Variants in GRIP1 observed in about 807,000 individuals in gnomAD.
GRIP1 encodes the protein glutamate receptor interacting protein 1, also known as glutamate receptor-interacting protein 1.
Under a neutral mutation model 129.9 loss-of-function variants are expected in GRIP1, and 45 were observed. The ratio of observed to expected loss-of-function variants is 0.35; its 90% CI spans 0.27 to 0.44. The LOEUF is 0.44. Ranked by LOEUF, GRIP1 falls within the 20% of genes least tolerant of loss-of-function variation. The probability of loss-of-function intolerance (pLI) is 1.00; values close to 1 mark genes in which losing one functional copy is unlikely to be tolerated. For missense variants in GRIP1, 1,196 were observed against 1,396.8 expected (o/e 0.86, Z 2.29); for synonymous variants, 530 against 520.8 (o/e 1.02, Z -0.24).
chr12:66,629,084 T>G (rs1009531392), intron 1 of GRIP1, among the ~76,000 whole-genome samples: 1 of 152,260 alleles, frequency 6.6e-6, no homozygotes, highest in African/African-American at 2.4e-5. Flanking sequence ...ATTGCAAGTA[T>G]GCATATTAGC....
At chr12:66,354,036 A>G (rs1324511359) in intron 23 of GRIP1, among the ~76,000 whole-genome samples, 1 of 152,160 alleles carries the variant, frequency 6.6e-6, no homozygotes. Flanking sequence ...AAGTACCATG[A>G]AGTTCATCCT....
At chr12:66,778,804 G>T (rs1037748414) in intron 1 of GRIP1, among the ~76,000 whole-genome samples, 2 of 152,174 alleles carry the variant, frequency 1.3e-5, no homozygotes, top group African/African-American at 4.8e-5. Context: ...TTGCTCAGTA[G>T]TAAAAACTTT....
At chr12:66,410,685 G>T (rs2057370831) in intron 15 of GRIP1, among the ~76,000 whole-genome samples, 1 of 151,380 alleles carries the variant, frequency 6.6e-6, no homozygotes, top group African/African-American at 2.4e-5. Context: ...AAACAATGAA[G>T]CACACCTACA....
At position 66,597,029 on chromosome 12, in the gene GRIP1, A is replaced by G. The variant is rs866656631; in HGVS notation, c.56-102T>C. 7.2e-6 allele frequency: 6 copies of G among 837,670 alleles called. No individual in the cohort carries two copies. In the Middle Eastern group the frequency reaches 1.1e-3, roughly 153 times the overall value. 51.9% of individuals were successfully genotyped at this position (837,670 alleles called of 1,614,324 possible). ...TCCTTCTGCGAGAGAGAAGTGGTAC[A>G]GTACAGTGGAAAGTGTCGGTAGGCC... On this transcript the variant is annotated intron_variant, in intron 1 of 24. Coordinates refer to ENST00000359742, the MANE Select transcript of GRIP1 (RefSeq NM_001366722.1).
At chr12:66,601,491 G>T (rs1427103318) in intron 1 of GRIP1, among the ~76,000 whole-genome samples, 3 of 152,146 alleles carry the variant, frequency 2.0e-5, no homozygotes, top group African/African-American at 7.2e-5. Flanking sequence ...AGAGGCACCC[G>T]ATATGAATAT....
intron 1 of GRIP1, among the ~76,000 whole-genome samples, chr12:66,769,568 G>A (rs187965676): frequency 1.2e-3 from 182 of 152,176 alleles, no homozygotes; most frequent in African/African-American, 4.0e-3. Context: ...ACAAGGGCAC[G>A]GGTACCATTT....
intron 7 of GRIP1, among the ~76,000 whole-genome samples, chr12:66,499,533 A>G (rs1218761149): frequency 2.6e-5 from 4 of 152,222 alleles, no homozygotes; most frequent in Non-Finnish European, 5.9e-5. Context: ...ATGGGTAGAA[A>G]TAGCTTCTGT....
At chr12:66,515,933 A>G (rs778386825) in intron 6 of GRIP1, among the ~76,000 whole-genome samples, 169 bp from the exon 7 acceptor site, 2 of 152,166 alleles carry the variant, frequency 1.3e-5, no homozygotes, top group Non-Finnish European at 2.9e-5. Context: ...GTAACCCTGA[A>G]CAGAAAATTG....
At chr12:66,948,533 G>T (rs2041706745) in intron 1 of GRIP1, among the ~76,000 whole-genome samples, 1 of 152,170 alleles carries the variant, frequency 6.6e-6, no homozygotes, top group African/African-American at 2.4e-5. Context: ...ATTATGAGCT[G>T]CTTCTTCTGT....
intron 7 of GRIP1, among the ~76,000 whole-genome samples, chr12:66,499,549 A>G (rs533081902): frequency 6.6e-6 from 1 of 152,326 alleles, no homozygotes; most frequent in East Asian, 1.9e-4. Flanking sequence ...TCTGTTGTCA[A>G]GGAGTTTATA....
rs1252401020 is a variant in GRIP1 at position 66,555,062 on chromosome 12, T to C, written c.137-13112A>G. Among the ~76,000 whole-genome samples, 7 of 152,240 alleles carry C rather than the reference T, an allele frequency of 4.6e-5. No homozygotes were observed. In the East Asian group the frequency reaches 1.2e-3, roughly 25 times the overall value. The stretch of plus-strand genomic sequence containing the variant: ...TAGGGCCTTGAGAAAACATAGGTGG[T>C]AGCCAAGTAGTGGTTACAGCAGGCC... On this transcript the variant is annotated intron_variant, in intron 2 of 24. Transcript: ENST00000359742.
intron 1 of GRIP1, among the ~76,000 whole-genome samples, chr12:66,625,572 G>C (rs1007358181): frequency 6.6e-6 from 1 of 152,078 alleles, no homozygotes; most frequent in Non-Finnish European, 1.5e-5. Context: ...ATTGCTTTCT[G>C]ACAGTAGGTA....
At chr12:66,445,968 C>A (rs75132310) in intron 11 of GRIP1, among the ~76,000 whole-genome samples, 1 of 152,140 alleles carries the variant, frequency 6.6e-6, no homozygotes, top group Non-Finnish European at 1.5e-5. Flanking sequence ...ACAATCCTAT[C>A]TTCAGCTTTG....
At chr12:66,885,810 G>A (rs562203586) in intron 1 of GRIP1, among the ~76,000 whole-genome samples, 1 of 152,316 alleles carries the variant, frequency 6.6e-6, no homozygotes, top group South Asian at 2.1e-4. Flanking sequence ...AGAAGAGTGA[G>A]TCAGCCTGGA....
chr12:66,426,811 G>T (rs2058001764), intron 14 of GRIP1, among the ~76,000 whole-genome samples: 1 of 152,126 alleles, frequency 6.6e-6, no homozygotes, highest in Admixed American at 6.6e-5. Flanking sequence ...TATTAAACTT[G>T]GCTATCTGGC....
intron 1 of GRIP1, among the ~76,000 whole-genome samples, chr12:66,756,815 G>A (rs533845235): frequency 6.6e-6 from 1 of 152,284 alleles, no homozygotes; most frequent in South Asian, 2.1e-4. Flanking sequence ...AGACCACAGA[G>A]CCAATGAATG....
intron 1 of GRIP1, among the ~76,000 whole-genome samples, chr12:67,060,969 A>G (rs369136401): frequency 3.0e-4 from 45 of 152,332 alleles, no homozygotes; most frequent in African/African-American, 9.9e-4. Flanking sequence ...AAAGAAGCAG[A>G]TAAGTAACAC....
At chr12:66,664,396 T>TTAGA (rs2033680134) in intron 1 of GRIP1, among the ~76,000 whole-genome samples, 1 of 152,202 alleles carries the variant, frequency 6.6e-6, no homozygotes, top group African/African-American at 2.4e-5. Flanking sequence ...CTAACATACA[T>TTAGA]TAGATAAACA....
intron 1 of GRIP1, among the ~76,000 whole-genome samples, chr12:67,033,103 T>C (rs1047258968): frequency 2.0e-5 from 3 of 151,970 alleles, no homozygotes; most frequent in African/African-American, 2.4e-5. Context: ...CCAGACAGTT[T>C]TTCCTAGGCT....
Sources: gnomAD v4.1 joint callset for allele counts (sites outside exome capture counted in the v4.1 genomes callset) on GRCh38, gnomAD v4.1.1 for gene constraint, MANE v1.5 for transcripts, NCBI Gene and HGNC (gene_info 2026-07-23, HGNC 2026-07-21) for gene names.